The following SPRYD7 variants were observed in gnomAD, a reference collection of about 807,000 sequenced individuals.
SPRYD7 encodes SPRY domain containing 7.
A neutral mutation model predicts 23.8 loss-of-function variants in SPRYD7; 14 were observed. The ratio of observed to expected loss-of-function variants is 0.59; its 90% confidence interval spans 0.39 to 0.92. The LOEUF (loss-of-function observed/expected upper bound fraction) is 0.92, where lower values mean the gene tolerates loss of function less well. Among genes scored for constraint, SPRYD7 ranks in the 40% least tolerant of loss-of-function variants. The pLI, the probability that SPRYD7 is intolerant of heterozygous loss-of-function variation, is 0.00. For missense variants in SPRYD7, 194 were observed against 241.7 expected (o/e 0.80, Z 1.31); for synonymous variants, 75 against 84.9 (o/e 0.88, Z 0.64).
At chr13:49,923,588 C>T (rs1955844170) in intron 3 of SPRYD7, among the ~76,000 whole-genome samples, 1 of 152,170 alleles carries the variant, frequency 6.6e-6, no homozygotes, top group Admixed American at 6.5e-5. Context: ...AGCAAAATCC[C>T]AGTACCAAAG....
intron 1 of SPRYD7, among the ~76,000 whole-genome samples, chr13:49,934,480 G>A (rs1460230496): frequency 2.0e-5 from 3 of 150,576 alleles, no homozygotes; most frequent in East Asian, 3.9e-4. Context: ...GCTTGAACCC[G>A]GGAGGCGGAG....
At chr13:49,927,870 T>C in intron 3 of SPRYD7, 49 bp downstream of exon 3, 1 of 1,595,106 alleles carries the variant, frequency 6.3e-7, no homozygotes, top group Non-Finnish European at 8.6e-7. Context: ...CTAAAAGCAG[T>C]TCAAATTTAG....
In SPRYD7 at chr13:49,914,881, A is replaced by G. The variant is rs1955735243; in HGVS notation, c.*182T>C. On this transcript the variant is annotated 3_prime_UTR_variant, in exon 5 of 5. Coordinates refer to ENST00000361840, the MANE Select transcript of SPRYD7 (RefSeq NM_020456.4). ...CTGCCCAAATGCTTATTTTCATTTC[A>G]CAAAACATAAAGTATTTTAAATCAC... The G allele has an allele frequency of 2.9e-6, 1 of 339,522 alleles. No homozygotes were observed. The highest frequency in any genetic ancestry group is 4.8e-5 in the Admixed American group (1 of 20,960). 21.0% of individuals were successfully genotyped at this position (339,522 alleles called of 1,614,324 possible).
Position 49,914,537 on chromosome 13 carries a change from T to A in SPRYD7, c.*526A>T, listed in dbSNP as rs966656010. 3 of 152,258 alleles carry A rather than the reference T, an allele frequency of 2.0e-5. No homozygotes were observed. Among genetic ancestry groups the A allele is most frequent in the African/African-American group, 7.2e-5 (3 of 41,422 alleles). 9.4% of individuals were successfully genotyped at this position (152,258 alleles called of 1,614,324 possible). ...TGACATTACACAACAAAATAAGCAA[T>A]TTAAGTTTTAAGAAAAGCGGTACAT... On this transcript the variant is annotated 3_prime_UTR_variant, in exon 5 of 5. Coordinates refer to ENST00000361840, the MANE Select transcript of SPRYD7 (RefSeq NM_020456.4).
intron 3 of SPRYD7, among the ~76,000 whole-genome samples, chr13:49,924,476 G>A (rs147894040): frequency 5.1e-4 from 76 of 149,928 alleles, no homozygotes; most frequent in African/African-American, 1.6e-3. Flanking sequence ...TTATTTATTT[G>A]TTTGTTTGTT....
intron 2 of SPRYD7, among the ~76,000 whole-genome samples, chr13:49,929,225 G>C (rs997214413): frequency 1.3e-5 from 2 of 152,298 alleles, no homozygotes; most frequent in South Asian, 4.1e-4. Context: ...CAGGAGTACT[G>C]CTTCAGCCTA....
chr13:49,936,216 CACA>C lies in SPRYD7; in HGVS notation c.17_19del (p.Leu6del). The C allele has an allele frequency of 6.2e-7, 1 of 1,605,906 alleles. No homozygotes were observed. Among genetic ancestry groups the C allele is most frequent in the Non-Finnish European group, 8.5e-7 (1 of 1,177,932 alleles). ...CCCGTCTCTGCAGCACCGCAGGCAG[CACA>C]ACACCGAGGTGGCCATCGCGCAGGG... On this transcript the variant is annotated inframe_deletion, in exon 1 of 5. Coordinates refer to ENST00000361840, the MANE Select transcript of SPRYD7 (RefSeq NM_020456.4).
At chr13:49,929,457 C>T (rs919278323) in intron 2 of SPRYD7, among the ~76,000 whole-genome samples, 4 of 152,152 alleles carry the variant, frequency 2.6e-5, no homozygotes, top group Non-Finnish European at 5.9e-5. Context: ...CAGTATTTCA[C>T]TAGAAGTTTA....
At chr13:49,933,834 G>A (rs1022881112) in intron 1 of SPRYD7, among the ~76,000 whole-genome samples, 3 of 152,044 alleles carry the variant, frequency 2.0e-5, no homozygotes, top group South Asian at 4.2e-4. Flanking sequence ...CCAAATGAGC[G>A]GTGTCCCTTT....
In SPRYD7 at chr13:49,915,129, G is replaced by A; in HGVS notation, c.525C>T (p.Phe175=). ...VDDSAILDCQ[F]SEFYHTPPPG... ...GTGGAGGCGTATGATAAAACTCACT[G>A]AACTGGCAATCCAAAATTGCACTGT... Residue 175 remains phenylalanine, a synonymous_variant, in exon 5 of 5, where the codon TTC becomes TTT. Coordinates refer to ENST00000361840, the MANE Select transcript of SPRYD7 (RefSeq NM_020456.4). 6.4e-7 allele frequency: 1 copy of A among 1,571,380 alleles called. No homozygotes were observed. Among genetic ancestry groups the A allele is most frequent in the Non-Finnish European group, 8.6e-7 (1 of 1,156,770 alleles).
chr13:49,936,263 G>A lies in SPRYD7; in HGVS notation c.-28C>T. ...CGCAGGGACCACCGACTCCGCCGCC[G>A]TCCCTAGACCGAGGCGACACTGCCC... On this transcript the variant is annotated 5_prime_UTR_variant, in exon 1 of 5. The change creates a new upstream start codon in the 5' untranslated region. Coordinates refer to ENST00000361840, the MANE Select transcript of SPRYD7 (RefSeq NM_020456.4). 3 of 1,549,874 alleles carry A rather than the reference G, an allele frequency of 1.9e-6. No homozygotes were observed. Among genetic ancestry groups the A allele is most frequent in the Non-Finnish European group, 2.6e-6 (3 of 1,140,170 alleles).
chr13:49,926,997 C>A (rs1367035740), intron 3 of SPRYD7, among the ~76,000 whole-genome samples: 1 of 152,010 alleles, frequency 6.6e-6, no homozygotes, highest in Non-Finnish European at 1.5e-5. Context: ...TTAAATATAG[C>A]CAGTTAGGAG....
At chr13:49,922,293 TTATA>T (rs1400572647) in intron 3 of SPRYD7, among the ~76,000 whole-genome samples, 1 of 148,880 alleles carries the variant, frequency 6.7e-6, no homozygotes, top group Non-Finnish European at 1.5e-5. Flanking sequence ...TATTTTATAA[TTATA>T]TAAATAAAAT....
chr13:49,923,155 G>A lies in SPRYD7; in HGVS notation c.391-1575C>T, dbSNP rs556481444. Among the ~76,000 whole-genome samples the A allele has an allele frequency of 3.9e-5, 6 of 152,046 alleles. No homozygotes were observed. The East Asian group carries it at 1.2e-3, about 29-fold the overall frequency. On this transcript the variant is annotated intron_variant, in intron 3 of 4. Transcript: ENST00000361840. ...AAGAAAGTATGTTACTCTCATTATG[G>A]GACTACCAGAAATCTAGCAGTTCAG...
At chr13:49,925,688 T>C (rs1001471864) in intron 3 of SPRYD7, among the ~76,000 whole-genome samples, 2 of 151,716 alleles carry the variant, frequency 1.3e-5, no homozygotes, top group African/African-American at 4.8e-5. Context: ...GGCGGGCGCC[T>C]GTAGTCCCAG....
At chr13:49,927,520 A>G (rs947761646) in intron 3 of SPRYD7, among the ~76,000 whole-genome samples, 5 of 152,028 alleles carry the variant, frequency 3.3e-5, no homozygotes. Context: ...AGAAGAAGAA[A>G]TAAATGTGAA....
intron 1 of SPRYD7, chr13:49,935,795 G>T: frequency 5.0e-6 from 1 of 198,842 alleles, no homozygotes; most frequent in Non-Finnish European, 1.0e-5. Flanking sequence ...AAAATGTGTA[G>T]GTTTTCACTG....
intron 4 of SPRYD7, among the ~76,000 whole-genome samples, chr13:49,916,576 C>T (rs922455706): frequency 1.3e-5 from 2 of 149,496 alleles, no homozygotes; most frequent in Non-Finnish European, 3.0e-5. Context: ...GTGTAACAAA[C>T]CTTCACATGT....
intron 3 of SPRYD7, among the ~76,000 whole-genome samples, chr13:49,921,978 T>A (rs1955826429): frequency 6.6e-6 from 1 of 152,186 alleles, no homozygotes; most frequent in Non-Finnish European, 1.5e-5. Flanking sequence ...CAATGAGGTT[T>A]TTTTCACTGT....
Sources: gnomAD v4.1 joint callset for allele counts (sites outside exome capture counted in the v4.1 genomes callset) on GRCh38, gnomAD v4.1.1 for gene constraint, MANE v1.5 for transcripts, NCBI Gene and HGNC (gene_info 2026-07-23, HGNC 2026-07-21) for gene names.